SCN11A: variants seen among roughly 807,000 people sequenced by gnomAD.
SCN11A encodes the protein sodium voltage-gated channel alpha subunit 11.
SCN11A carries 122 observed loss-of-function variants against 162.2 expected under a neutral mutation model. The ratio of observed to expected loss-of-function variants is 0.75; its 90% CI spans 0.65 to 0.87. The LOEUF is 0.87. Ranked by LOEUF, SCN11A falls within the 40% of genes least tolerant of loss-of-function variation. The pLI is 0.00. For synonymous variants in SCN11A, 758 were observed against 751.5 expected, an observed-to-expected ratio of 1.01 and a Z score of -0.14; for missense variants, 2,015 against 2,181.6, an observed-to-expected ratio of 0.92 and a Z score of 1.52.
At chr3:39,000,860 A>G (rs2030789438) in intron 2 of SCN11A, among the ~76,000 whole-genome samples, 3 of 152,110 alleles carry the variant, frequency 2.0e-5, no homozygotes, top group African/African-American at 7.2e-5. Flanking sequence ...AACATGGCGA[A>G]ACCTTGTCTC....
rs1337069691 is a variant in SCN11A at position 38,872,441 on chromosome 3, C to T, written c.3394-147G>A. On this transcript the variant is annotated intron_variant, in intron 23 of 29. Coordinates refer to ENST00000302328, the MANE Select transcript of SCN11A (RefSeq NM_001349253.2). ...TGTTTAGTGAAAGACATAGAAAATC[C>T]GAGAAATTGTTGTGAATTAAAGGAA... 1.2e-5 allele frequency: 7 copies of T among 573,126 alleles called. 1 individual carries two copies. Among genetic ancestry groups the T allele is most frequent in the East Asian group, 6.1e-5 (2 of 32,822 alleles). 35.5% of individuals were successfully genotyped at this position (573,126 alleles called of 1,614,324 possible). A position where few individuals can be genotyped will look rare whatever the true frequency, so the allele number is the denominator to read the frequency against.
chr3:38,872,317 A>G (rs1278432737), intron 23 of SCN11A, 23 bp from the exon 24 acceptor site: 1 of 1,265,352 alleles, frequency 7.9e-7, no homozygotes, highest in Non-Finnish European at 1.2e-6. Flanking sequence ...GAGGCCACAG[A>G]TAATGTACCT....
chr3:38,926,411 C>T (rs1016701372), intron 8 of SCN11A, among the ~76,000 whole-genome samples: 3 of 152,084 alleles, frequency 2.0e-5, no homozygotes, highest in Non-Finnish European at 4.4e-5. Flanking sequence ...TGGTACTCAT[C>T]ATACCATATT....
intron 7 of SCN11A, among the ~76,000 whole-genome samples, chr3:38,933,046 C>G (rs2066270570): frequency 6.6e-6 from 1 of 152,220 alleles, no homozygotes. Flanking sequence ...AATGATCAGA[C>G]AGCAGCATTC....
intron 2 of SCN11A, among the ~76,000 whole-genome samples, chr3:39,032,130 G>C (rs1203794208): frequency 6.6e-6 from 1 of 152,166 alleles, no homozygotes; most frequent in Non-Finnish European, 1.5e-5. Context: ...ATTGATGTCT[G>C]TGTCAGGAGC....
chr3:38,982,236 A>G (rs970587079), intron 2 of SCN11A, among the ~76,000 whole-genome samples: 59 of 152,266 alleles, frequency 3.9e-4, no homozygotes, highest in African/African-American at 1.4e-3. Context: ...TGGGAGTACT[A>G]AGGGGGAAAT....
At chr3:38,900,159 A>G (rs2065676043) in intron 16 of SCN11A, 86 bp from the exon 17 acceptor site, 2 of 1,011,666 alleles carry the variant, frequency 2.0e-6, no homozygotes, top group Admixed American at 4.5e-5. Flanking sequence ...AGAGGTTACA[A>G]TGAAATGAAA....
At chr3:39,047,548 G>T (rs1483333808) in intron 1 of SCN11A, among the ~76,000 whole-genome samples, 1 of 152,014 alleles carries the variant, frequency 6.6e-6, no homozygotes, top group Non-Finnish European at 1.5e-5. Flanking sequence ...AAACTAAAAA[G>T]CTTCTGCACA....
At chr3:39,042,135 G>A (rs2032062560) in intron 1 of SCN11A, among the ~76,000 whole-genome samples, 1 of 152,066 alleles carries the variant, frequency 6.6e-6, no homozygotes, top group African/African-American at 2.4e-5. Context: ...TGGGCGTGGT[G>A]GTAGGCGCCT....
At chr3:38,867,514 C>A in intron 26 of SCN11A, 56 bp from the exon 27 acceptor site, 2 of 1,362,550 alleles carry the variant, frequency 1.5e-6, no homozygotes, top group Non-Finnish European at 1.0e-6. Context: ...AAAATATAAG[C>A]ATTCTAACTA....
intron 6 of SCN11A, among the ~76,000 whole-genome samples, chr3:38,946,559 T>A (rs543958464): frequency 2.0e-5 from 3 of 152,198 alleles, no homozygotes; most frequent in Non-Finnish European, 2.9e-5. Context: ...CCAATCTCAC[T>A]AAAGAAGTTG....
intron 7 of SCN11A, among the ~76,000 whole-genome samples, chr3:38,932,144 A>C (rs1334692568): frequency 6.6e-6 from 1 of 151,736 alleles, no homozygotes; most frequent in Non-Finnish European, 1.5e-5. Flanking sequence ...CCACATATTA[A>C]AACCTACAAG....
chr3:39,029,589 A>G (rs1031778664), intron 2 of SCN11A, among the ~76,000 whole-genome samples: 1 of 152,248 alleles, frequency 6.6e-6, no homozygotes, highest in Non-Finnish European at 1.5e-5. Flanking sequence ...AACTCAGGGC[A>G]TTTAGAATGT....
intron 7 of SCN11A, among the ~76,000 whole-genome samples, chr3:38,935,517 A>G (rs1177620200): frequency 6.6e-6 from 1 of 152,238 alleles, no homozygotes; most frequent in African/African-American, 2.4e-5. Context: ...ATAATCAAAT[A>G]GAAGCAATAA....
intron 1 of SCN11A, among the ~76,000 whole-genome samples, chr3:39,033,923 G>C (rs1053982969): frequency 1.3e-5 from 2 of 152,144 alleles, no homozygotes; most frequent in Non-Finnish European, 2.9e-5. Flanking sequence ...CCAGCACTTT[G>C]GGAGGCCAAG....
At chr3:38,966,368 C>A (rs2066782593) in intron 2 of SCN11A, among the ~76,000 whole-genome samples, 1 of 152,098 alleles carries the variant, frequency 6.6e-6, no homozygotes, top group Non-Finnish European at 1.5e-5. Flanking sequence ...ATAGATCATT[C>A]ATTCATTACA....
intron 7 of SCN11A, among the ~76,000 whole-genome samples, chr3:38,932,829 C>CGA (rs1451406525): frequency 6.6e-6 from 1 of 152,242 alleles, no homozygotes; most frequent in Non-Finnish European, 1.5e-5. Context: ...GTAACCTCTG[C>CGA]AGACTTAGAT....
intron 2 of SCN11A, among the ~76,000 whole-genome samples, chr3:38,976,773 G>T (rs764844803): frequency 6.5e-4 from 99 of 151,952 alleles, no homozygotes; most frequent in Middle Eastern, 3.2e-3. Flanking sequence ...TCCCACACTT[G>T]CACCCAGGAT....
intron 7 of SCN11A, 111 bp from the exon 8 acceptor site, chr3:38,927,042 T>G: frequency 1.9e-6 from 2 of 1,056,928 alleles, no homozygotes; most frequent in Non-Finnish European, 2.7e-6. Context: ...ATGTGACATT[T>G]AACATTCTGG....
Sources: allele counts gnomAD v4.1 joint callset (sites outside exome capture counted in the v4.1 genomes callset), GRCh38; gene constraint gnomAD v4.1.1; transcripts MANE v1.5; gene names NCBI Gene and HGNC (gene_info 2026-07-23, HGNC 2026-07-21).